The following GPAM variants were observed in gnomAD, a reference collection of about 807,000 sequenced individuals.
GPAM encodes the protein glycerol-3-phosphate acyltransferase 1, mitochondrial.
A neutral mutation model predicts 105.0 loss-of-function variants in GPAM; 56 were observed. The observed-to-expected ratio is 0.53, with a 90% CI of 0.43 to 0.67. The LOEUF (loss-of-function observed/expected upper bound fraction) is 0.67. Among genes scored for constraint, GPAM ranks in the 30% least tolerant of loss-of-function variants. GPAM has a pLI of 0.00. For missense variants in GPAM, 855 were observed against 989.8 expected, an observed-to-expected ratio of 0.86 and a Z score of 1.83; for synonymous variants, 368 against 354.4, an observed-to-expected ratio of 1.04 and a Z score of -0.43.
intron 1 of GPAM, among the ~76,000 whole-genome samples, chr10:112,212,981 G>C (rs113259299): frequency 6.6e-6 from 1 of 152,194 alleles, no homozygotes; most frequent in African/African-American, 2.4e-5. Context: ...TGAGAGGGAC[G>C]GGAAAGCTGA....
intron 1 of GPAM, among the ~76,000 whole-genome samples, chr10:112,195,725 C>T (rs568517648): frequency 1.3e-5 from 2 of 152,342 alleles, no homozygotes; most frequent in South Asian, 4.1e-4. Flanking sequence ...CTTGCTAAAG[C>T]AGATGCTCAA....
At chr10:112,208,621 G>C (rs1847876479) in intron 1 of GPAM, among the ~76,000 whole-genome samples, 2 of 152,240 alleles carry the variant, frequency 1.3e-5, no homozygotes, top group East Asian at 3.9e-4. Context: ...TCCTGCATGG[G>C]TTTAGGCATG....
At chr10:112,169,175 C>G (rs1371619700) in intron 9 of GPAM, among the ~76,000 whole-genome samples, 1 of 151,970 alleles carries the variant, frequency 6.6e-6, no homozygotes, top group Non-Finnish European at 1.5e-5. Flanking sequence ...GTATAATGAG[C>G]CTCTATTATA....
intron 12 of GPAM, 85 bp from the exon 13 acceptor site, chr10:112,164,695 G>T: frequency 1.3e-6 from 1 of 798,012 alleles, no homozygotes; most frequent in Admixed American, 1.8e-5. Context: ...AAGGTTAAAA[G>T]GGAGTTGTTT....
At position 112,155,737 on chromosome 10, in the gene GPAM, T is replaced by C. The variant is rs141531540; in HGVS notation, c.2311+127A>G. The stretch of plus-strand genomic sequence containing the variant: ...TTATATAACATGCCAAAGAAGATAA[T>C]AGTAATACTCTACGGTGTTAGAGGT... On this transcript the variant is annotated intron_variant, in intron 20 of 21. Transcript: ENST00000348367. 2.8e-3 allele frequency: 1,786 copies of C among 635,324 alleles called. 32 individuals are homozygous for C. The African/African-American group carries it at 0.029, about 10-fold the overall frequency. 39.4% of individuals were successfully genotyped at this position (635,324 alleles called of 1,614,324 possible).
At chr10:112,174,677 T>C (rs547695409) in intron 6 of GPAM, among the ~76,000 whole-genome samples, 1 of 152,284 alleles carries the variant, frequency 6.6e-6, no homozygotes, top group Non-Finnish European at 1.5e-5. Context: ...CATAGCCCCA[T>C]AATTCACTAA....
chr10:112,175,569 T>G (rs762637130), intron 6 of GPAM, 31 bp downstream of exon 6: 1 of 1,173,258 alleles, frequency 8.5e-7, no homozygotes, highest in Admixed American at 1.7e-5. Flanking sequence ...TCCCTGCCTC[T>G]TCCCACCTTT....
intron 1 of GPAM, among the ~76,000 whole-genome samples, chr10:112,193,798 T>C (rs1201043357): frequency 6.6e-6 from 1 of 152,220 alleles, no homozygotes; most frequent in Non-Finnish European, 1.5e-5. Flanking sequence ...AGTTTTTTGG[T>C]CGTCCTCATC....
chr10:112,168,743 CCA>C (rs1258467026), intron 10 of GPAM, 108 bp downstream of exon 10: 1 of 807,784 alleles, frequency 1.2e-6, no homozygotes, highest in Non-Finnish European at 2.2e-6. Flanking sequence ...AATAATCACT[CCA>C]GTTACTCAAA....
chr10:112,163,814 G>C lies in GPAM; in HGVS notation c.1310C>G (p.Pro437Arg). 1 of 1,509,176 alleles carries C rather than the reference G, an allele frequency of 6.6e-7. No homozygotes were observed. Among genetic ancestry groups the C allele is most frequent in the Non-Finnish European group, 9.2e-7 (1 of 1,084,380 alleles). 93.5% of individuals were successfully genotyped at this position (1,509,176 alleles called of 1,614,324 possible). Residue 437 changes from proline to arginine, a missense_variant and splice_region_variant, in exon 14 of 22, where the codon CCC becomes CGC. Physicochemically the swap from Pro to Arg is moderately radical, Grantham distance 103. Transcript: ENST00000348367. Reference protein sequence around the residue: ...ALLPAILPSRPSDAADEGRDT... With the variant: ...ALLPAILPSRRSDAADEGRDT... Reference sequence around the variant, plus strand: ...TCTACCTTCATCAGCAGCATCACTGGGTCTAAAAAGTGTTTCAAAAATCAA... The same window carrying C: ...TCTACCTTCATCAGCAGCATCACTGCGTCTAAAAAGTGTTTCAAAAATCAA...
At chr10:112,169,803 C>A (rs1254056854) in intron 9 of GPAM, among the ~76,000 whole-genome samples, 1 of 152,192 alleles carries the variant, frequency 6.6e-6, no homozygotes, top group African/African-American at 2.4e-5. Flanking sequence ...ATATTTACAG[C>A]CATTCCCCAT....
At chr10:112,153,812 TGG>T (rs1229357704) in intron 21 of GPAM, 146 bp from the exon 22 acceptor site, 1 of 769,060 alleles carries the variant, frequency 1.3e-6, no homozygotes, top group Non-Finnish European at 2.1e-6. Flanking sequence ...AATGTATGCC[TGG>T]GTGTGTGTGA....
the GPAM span, among the ~76,000 whole-genome samples, chr10:112,226,011 T>TC: frequency 6.6e-6 from 1 of 152,164 alleles, no homozygotes; most frequent in African/African-American, 2.4e-5. Flanking sequence ...ACACCATTTT[T>TC]CCCATGGTGC....
At chr10:112,163,907 A>T in intron 13 of GPAM, 91 bp from the exon 14 acceptor site, 1 of 718,364 alleles carries the variant, frequency 1.4e-6, no homozygotes, top group East Asian at 2.7e-5. Flanking sequence ...AGATACTTTA[A>T]ATTACTATAT....
At chr10:112,156,545 G>T in intron 19 of GPAM, 1 of 181,402 alleles carries the variant, frequency 5.5e-6, no homozygotes, top group Non-Finnish European at 1.2e-5. Context: ...GATGGCCACT[G>T]TGACGGCGGT....
rs545418725 is a variant in GPAM at position 112,151,108 on chromosome 10, A to G, written c.*2442T>C. 33 of 978,150 alleles carry G rather than the reference A, an allele frequency of 3.4e-5. No individual in the cohort carries two copies. In the African/African-American group the frequency reaches 4.8e-4, roughly 14 times the overall value. The allele number at this position is 978,150 out of a possible 1,614,324, so 60.6% of individuals were successfully genotyped here. A position where few individuals can be genotyped will look rare whatever the true frequency, so the allele number is the denominator to read the frequency against. ...ACAGACTGCAGTTTCATGTTGTTTAATATTGTTTTTTTTTTTTAACTTGAC... is the reference window on the plus strand; with the variant it reads ...ACAGACTGCAGTTTCATGTTGTTTAGTATTGTTTTTTTTTTTTAACTTGAC... On this transcript the variant is annotated 3_prime_UTR_variant, in exon 22 of 22. Transcript: ENST00000348367.
the GPAM span, among the ~76,000 whole-genome samples, chr10:112,227,517 A>G: frequency 0.016 from 2,458 of 152,266 alleles, 67 homozygotes; most frequent in African/African-American, 0.056. Context: ...TCCAAAGCCC[A>G]CTAGGCCTTC....
Position 112,160,770 on chromosome 10 carries a change from ATCT to A in GPAM, c.1590_1592del (p.Glu530del). ...GCAGCTGTATGGCATGCATTACTAC[ATCT>A]TCTGAATTTCCTGAGAACCCCAGGT... On this transcript the variant is annotated inframe_deletion, in exon 16 of 22. Coordinates refer to ENST00000348367, the MANE Select transcript of GPAM (RefSeq NM_001244949.2). 1 of 1,614,038 alleles carries A rather than the reference ATCT, an allele frequency of 6.2e-7. No homozygotes were observed. Among genetic ancestry groups the A allele is most frequent in the Non-Finnish European group, 8.5e-7 (1 of 1,179,932 alleles).
intron 1 of GPAM, among the ~76,000 whole-genome samples, chr10:112,197,213 G>A (rs1449154539): frequency 2.0e-5 from 3 of 152,150 alleles, no homozygotes; most frequent in Non-Finnish European, 4.4e-5. Flanking sequence ...CTAAATGAAT[G>A]AAATTTTAAC....
Sources: gnomAD v4.1 joint callset for allele counts (sites outside exome capture counted in the v4.1 genomes callset) on GRCh38, gnomAD v4.1.1 for gene constraint, MANE v1.5 for transcripts, NCBI Gene and HGNC (gene_info 2026-07-23, HGNC 2026-07-21) for gene names.